Variants in NCKAP5 observed in about 807,000 individuals in gnomAD.
NCKAP5 encodes the protein nck-associated protein 5.
In NCKAP5, 92 loss-of-function variants were observed where a neutral mutation model predicts 167.0. That is an observed-to-expected ratio of 0.55 (90% CI 0.47 to 0.66). NCKAP5 has a LOEUF of 0.66. Ranked by LOEUF, NCKAP5 falls within the 30% of genes least tolerant of loss-of-function variation. The pLI, the probability that NCKAP5 is intolerant of heterozygous loss-of-function variation, is 0.00. For missense variants in NCKAP5, 2,378 were observed against 2,315.0 expected (o/e 1.03, Z -0.56); for synonymous variants, 891 against 877.4 (o/e 1.02, Z -0.27).
At chr2:132,724,016 C>T (rs1690205145) in intron 19 of NCKAP5, among the ~76,000 whole-genome samples, 1 of 152,184 alleles carries the variant, frequency 6.6e-6, no homozygotes. Flanking sequence ...CTCTCTGCAG[C>T]AACATGCGAG....
In NCKAP5 at chr2:132,887,211, A is replaced by AT. The variant is rs201072817; in HGVS notation, c.580-8296dup. Among the ~76,000 whole-genome samples, 7 of 151,440 alleles carry AT rather than the reference A, an allele frequency of 4.6e-5. No individual in the cohort carries two copies. The East Asian group carries it at 5.8e-4, about 13-fold the overall frequency. On this transcript the variant is annotated intron_variant, in intron 8 of 19. Coordinates refer to ENST00000409261, the MANE Select transcript of NCKAP5 (RefSeq NM_207363.3). The stretch of plus-strand genomic sequence containing the variant: ...TCACTCCTCTTAGTATCTATTGGTA[A>AT]TTTTTTTTTGACTAAAACAATTATG...
Position 132,672,953 on chromosome 2 carries a change from T to TGGGGGGGGGGGGG in NCKAP5, c.*335_*336insCCCCCCCCCCCCC. 3.0e-6 allele frequency: 2 copies of TGGGGGGGGGGGGG among 672,086 alleles called. No homozygotes were observed. The highest frequency in any genetic ancestry group is 3.7e-6 in the Non-Finnish European group (2 of 547,592). The allele number at this position is 672,086 out of a possible 1,614,324, so 41.6% of individuals were successfully genotyped here. A position where few individuals can be genotyped will look rare whatever the true frequency, so the allele number is the denominator to read the frequency against. On this transcript the variant is annotated 3_prime_UTR_variant, in exon 20 of 20. Transcript: ENST00000409261. ...GTTTATTGTTATCTCTATCAAGCGGTGCACCCCCCACCCCCCACCCATCAT... is the reference window on the plus strand; with the variant it reads ...GTTTATTGTTATCTCTATCAAGCGGTGGGGGGGGGGGGGGCACCCCCCACCCCCCACCCATCAT...
At chr2:133,547,321 A>C (rs1575138075) in intron 2 of NCKAP5, among the ~76,000 whole-genome samples, 1 of 152,242 alleles carries the variant, frequency 6.6e-6, no homozygotes, top group South Asian at 2.1e-4. Flanking sequence ...GCCATTGCCC[A>C]GCCTTGATTA....
intron 4 of NCKAP5, among the ~76,000 whole-genome samples, chr2:133,247,529 T>C (rs1009242881): frequency 6.6e-6 from 1 of 152,170 alleles, no homozygotes; most frequent in Non-Finnish European, 1.5e-5. Context: ...AAAGGGAAAC[T>C]CACTAGAAAC....
intron 19 of NCKAP5, among the ~76,000 whole-genome samples, chr2:132,693,221 C>G (rs1331067262): frequency 2.6e-5 from 4 of 152,142 alleles, no homozygotes; most frequent in African/African-American, 7.2e-5. Flanking sequence ...TAAAAAGATA[C>G]GTTGAAGTTC....
intron 3 of NCKAP5, among the ~76,000 whole-genome samples, chr2:133,445,907 T>C (rs146658316): frequency 6.6e-6 from 1 of 152,322 alleles, no homozygotes; most frequent in Non-Finnish European, 1.5e-5. Flanking sequence ...TAAGACCTTA[T>C]TGCTGGACCA....
chr2:133,592,245 AC>A, the NCKAP5 span, among the ~76,000 whole-genome samples: 2 of 152,204 alleles, frequency 1.3e-5, no homozygotes, highest in Non-Finnish European at 2.9e-5. Context: ...GATTGTGCAA[AC>A]CAGGCTCTTT....
chr2:133,022,792 A>C lies in NCKAP5; in HGVS notation c.342-28553T>G, dbSNP rs188178708. Among the ~76,000 whole-genome samples, 4 of 152,108 alleles carry C rather than the reference A, an allele frequency of 2.6e-5. No individual in the cohort carries two copies. The East Asian group carries it at 7.7e-4, about 29-fold the overall frequency. On this transcript the variant is annotated intron_variant, in intron 6 of 19. Transcript: ENST00000409261. The stretch of plus-strand genomic sequence containing the variant: ...AATAAATGTGTCCACCTTTTCTCCT[A>C]CTCATCTGTCTTACATCAATTTAAT...
chr2:133,414,787 A>G lies in NCKAP5; in HGVS notation c.69+102671T>C, dbSNP rs1485282767. Among the ~76,000 whole-genome samples, 4 of 152,314 alleles carry G rather than the reference A, an allele frequency of 2.6e-5. No homozygotes were observed. The East Asian group carries it at 7.7e-4, about 29-fold the overall frequency. ...AGATTTTCCTCCCAAGGAGTCTATG[A>G]AGGGTGGAATATTATAGCACACAAA... On this transcript the variant is annotated intron_variant, in intron 3 of 19. Coordinates refer to ENST00000409261, the MANE Select transcript of NCKAP5 (RefSeq NM_207363.3).
At chr2:132,763,266 C>T (rs2104873692) in intron 16 of NCKAP5, among the ~76,000 whole-genome samples, 1 of 152,314 alleles carries the variant, frequency 6.6e-6, no homozygotes, top group Admixed American at 6.5e-5. Flanking sequence ...TTCAAGGTCT[C>T]TACCATCTGG....
chr2:133,158,276 A>T (rs887149982), intron 5 of NCKAP5, among the ~76,000 whole-genome samples: 1 of 152,202 alleles, frequency 6.6e-6, no homozygotes, highest in African/African-American at 2.4e-5. Context: ...GAAACAGGTA[A>T]TGTGGGCAAA....
the NCKAP5 span, among the ~76,000 whole-genome samples, chr2:133,673,108 C>A: frequency 6.6e-6 from 1 of 152,188 alleles, no homozygotes; most frequent in Non-Finnish European, 1.5e-5. Flanking sequence ...TGATGAGCCA[C>A]TCAGAGCCCC....
At chr2:133,462,401 G>A (rs183824881) in intron 3 of NCKAP5, among the ~76,000 whole-genome samples, 10 of 152,188 alleles carry the variant, frequency 6.6e-5, no homozygotes, top group Admixed American at 1.3e-4. Context: ...TTTTTGTGCC[G>A]GCTTCGCAAG....
At chr2:132,844,043 C>CCTT (rs61426751) in intron 11 of NCKAP5, among the ~76,000 whole-genome samples, 11,967 of 152,052 alleles carry the variant, frequency 0.079, 936 homozygotes, top group African/African-American at 0.19. Context: ...CCCTTCTCCT[C>CCTT]CACTCCTCCC....
Position 132,677,738 on chromosome 2 carries a change from G to A in NCKAP5, c.5714-4433C>T, listed in dbSNP as rs901909246. ...TCACTATAAAGACAGAAATTGAGAC[G>A]TGCCTACCCCAAGAGGTTCTAGGAA... On this transcript the variant is annotated intron_variant, in intron 19 of 19. Coordinates refer to ENST00000409261, the MANE Select transcript of NCKAP5 (RefSeq NM_207363.3). 5.3e-5 allele frequency among the ~76,000 whole-genome samples: 8 copies of A among 152,012 alleles called. 1 individual carries two copies. Among genetic ancestry groups the A allele is most frequent in the African/African-American group, 9.7e-5 (4 of 41,400 alleles).
chr2:132,903,846 A>G (rs934753708), intron 8 of NCKAP5, among the ~76,000 whole-genome samples: 4 of 152,242 alleles, frequency 2.6e-5, no homozygotes, highest in African/African-American at 9.6e-5. Flanking sequence ...AATATTGTTC[A>G]AACTTATGCA....
At chr2:133,542,980 A>G (rs1280726482) in intron 2 of NCKAP5, among the ~76,000 whole-genome samples, 2 of 152,240 alleles carry the variant, frequency 1.3e-5, no homozygotes, top group African/African-American at 4.8e-5. Flanking sequence ...TATAAGTATT[A>G]AATGAGATCA....
the NCKAP5 span, among the ~76,000 whole-genome samples, chr2:133,589,022 T>C: frequency 3.9e-5 from 6 of 152,148 alleles, no homozygotes; most frequent in Non-Finnish European, 8.8e-5. Context: ...GTAGCAACTC[T>C]GGCTTGGACT....
intron 6 of NCKAP5, among the ~76,000 whole-genome samples, chr2:133,039,736 T>C (rs1573834218): frequency 6.6e-6 from 1 of 152,174 alleles, no homozygotes; most frequent in African/African-American, 2.4e-5. Flanking sequence ...CTTCTGGCTC[T>C]AGCCCCAGAA....
Sources: allele counts gnomAD v4.1 joint callset (sites outside exome capture counted in the v4.1 genomes callset), GRCh38; gene constraint gnomAD v4.1.1; transcripts MANE v1.5; gene names NCBI Gene and HGNC (gene_info 2026-07-23, HGNC 2026-07-21).